Variants in CCDC186 observed in about 807,000 individuals in gnomAD.
CCDC186 encodes the protein coiled-coil domain-containing protein 186.
In CCDC186, 49 loss-of-function variants were observed where a neutral mutation model predicts 113.7. The observed-to-expected ratio is 0.43, with a 90% CI of 0.34 to 0.55. The LOEUF (loss-of-function observed/expected upper bound fraction) is 0.55. CCDC186 is among the 20% of genes least tolerant of loss of function. CCDC186 has a pLI of 0.02. For synonymous variants in CCDC186, 355 were observed against 345.8 expected, an observed-to-expected ratio of 1.03 and a Z score of -0.30; for missense variants, 890 against 1,011.1, an observed-to-expected ratio of 0.88 and a Z score of 1.62.
chr10:114,144,671 T>C, intron 5 of CCDC186, 55 bp from the exon 6 acceptor site: 2 of 1,443,688 alleles, frequency 1.4e-6, no homozygotes, highest in Non-Finnish European at 1.9e-6. Context: ...ATTAATTATA[T>C]CTTTTATATT....
rs1309820312 is a variant in CCDC186, at chr10:114,130,088, G to A, written c.2102-117C>T. On this transcript the variant is annotated intron_variant, in intron 12 of 15. Transcript: ENST00000369287. Reference sequence around the variant, plus strand: ...ATGGCATAGACAAGAGAAAGTTCTTGAATACATACTTTAGGCAGAGGGCTA... The same window carrying A: ...ATGGCATAGACAAGAGAAAGTTCTTAAATACATACTTTAGGCAGAGGGCTA... The A allele has an allele frequency of 6.4e-6, 5 of 778,356 alleles. No homozygotes were observed. In the African/African-American group the frequency reaches 8.8e-5, roughly 14 times the overall value. 48.2% of individuals were successfully genotyped at this position (778,356 alleles called of 1,614,324 possible). A position where few individuals can be genotyped will look rare whatever the true frequency, so the allele number is the denominator to read the frequency against.
At position 114,121,477 on chromosome 10, in the gene CCDC186, G is replaced by C. The variant is rs1463920057; in HGVS notation, c.*3666C>G. 2.0e-5 allele frequency: 3 copies of C among 152,036 alleles called. No homozygotes were observed. The allele number at this position is 152,036 out of a possible 1,614,324, so 9.4% of individuals were successfully genotyped here. A position where few individuals can be genotyped will look rare whatever the true frequency, so the allele number is the denominator to read the frequency against. On this transcript the variant is annotated 3_prime_UTR_variant, in exon 16 of 16. Coordinates refer to ENST00000369287, the MANE Select transcript of CCDC186 (RefSeq NM_018017.4). The stretch of plus-strand genomic sequence containing the variant: ...TGCAAAAGAAAGATTGGAAACATGC[G>C]TGACATGATTAATCTTTATGAGCAC...
At chr10:114,146,152 A>G (rs1315928774) in intron 4 of CCDC186, among the ~76,000 whole-genome samples, 6 of 152,202 alleles carry the variant, frequency 3.9e-5, no homozygotes, top group African/African-American at 1.2e-4. Flanking sequence ...AGAAGGCAGT[A>G]GGCAGAAGCT....
At chr10:114,131,027 A>T in intron 12 of CCDC186, 120 bp downstream of exon 12, 1 of 815,774 alleles carries the variant, frequency 1.2e-6, no homozygotes, top group Non-Finnish European at 1.7e-6. Flanking sequence ...AATTTGGTTT[A>T]CTAATATTAA....
intron 15 of CCDC186, among the ~76,000 whole-genome samples, chr10:114,125,427 T>C (rs2030865386): frequency 6.6e-6 from 1 of 152,208 alleles, no homozygotes; most frequent in African/African-American, 2.4e-5. Context: ...TCAAACTTTC[T>C]ACTGAAGCTA....
At chr10:114,151,266 TACAC>T (rs1312191958) in intron 3 of CCDC186, 46 bp from the exon 4 acceptor site, 1 of 1,305,776 alleles carries the variant, frequency 7.7e-7, no homozygotes, top group Non-Finnish European at 1.1e-6. Context: ...CTATACCAAA[TACAC>T]CACCAATACT....
intron 7 of CCDC186, 68 bp from the exon 8 acceptor site, chr10:114,136,314 C>T: frequency 2.8e-6 from 3 of 1,054,300 alleles, no homozygotes; most frequent in African/African-American, 1.6e-5. Context: ...TGAGAATACT[C>T]GTCTCTAATC....
chr10:114,144,752 CTTAT>C (rs2031584132), intron 5 of CCDC186, 136 bp from the exon 6 acceptor site: 1 of 680,762 alleles, frequency 1.5e-6, no homozygotes, highest in South Asian at 3.1e-5. Context: ...GACTATAAAA[CTTAT>C]TTAAAGTCCA....
intron 1 of CCDC186, among the ~76,000 whole-genome samples, chr10:114,173,535 G>C (rs557578007): frequency 6.6e-6 from 1 of 152,284 alleles, no homozygotes; most frequent in South Asian, 2.1e-4. Flanking sequence ...AAGGAACTTA[G>C]AATCACAGTA....
intron 13 of CCDC186, among the ~76,000 whole-genome samples, chr10:114,128,275 G>A (rs2030977270): frequency 6.6e-6 from 1 of 152,166 alleles, no homozygotes; most frequent in Non-Finnish European, 1.5e-5. Context: ...CAACATCAAT[G>A]AGAAGAATCT....
chr10:114,169,189 C>G (rs1035569924), intron 1 of CCDC186, among the ~76,000 whole-genome samples: 4 of 147,634 alleles, frequency 2.7e-5, no homozygotes, highest in African/African-American at 9.9e-5. Flanking sequence ...AATTTGGCTT[C>G]ATTCACAGAC....
At chr10:114,135,193 A>G in intron 9 of CCDC186, 138 bp from the exon 10 acceptor site, 1 of 870,474 alleles carries the variant, frequency 1.1e-6, no homozygotes, top group Non-Finnish European at 1.6e-6. Flanking sequence ...GAAGTTTACA[A>G]TCCTAGCTTT....
At chr10:114,133,931 TAA>T (rs1018199731) in intron 10 of CCDC186, among the ~76,000 whole-genome samples, 14 of 152,132 alleles carry the variant, frequency 9.2e-5, no homozygotes, top group African/African-American at 3.4e-4. Context: ...CAATTATGTT[TAA>T]ATGTAGAAAG....
At chr10:114,172,778 C>A (rs767156908) in intron 1 of CCDC186, among the ~76,000 whole-genome samples, 15 of 152,154 alleles carry the variant, frequency 9.9e-5, no homozygotes, top group Non-Finnish European at 1.5e-5. Flanking sequence ...CCTAGCCAAT[C>A]ATTACTGTTT....
intron 2 of CCDC186, among the ~76,000 whole-genome samples, chr10:114,161,076 C>T (rs912552245): frequency 6.6e-6 from 1 of 152,144 alleles, no homozygotes; most frequent in African/African-American, 2.4e-5. Flanking sequence ...TTCCACTCAC[C>T]CGTGCTGTCA....
At chr10:114,127,767 C>G (rs1182128006) in intron 13 of CCDC186, 96 bp from the exon 14 acceptor site, 2 of 1,140,848 alleles carry the variant, frequency 1.8e-6, no homozygotes, top group East Asian at 2.5e-5. Flanking sequence ...CAAATATTCA[C>G]TCTAACAGAG....
chr10:114,140,855 T>C (rs1190640033), intron 6 of CCDC186, among the ~76,000 whole-genome samples: 4 of 152,228 alleles, frequency 2.6e-5, no homozygotes, highest in East Asian at 3.9e-4. Context: ...TTTAACATCA[T>C]TGCCTCATTG....
intron 3 of CCDC186, among the ~76,000 whole-genome samples, chr10:114,155,272 T>G (rs578194716): frequency 2.0e-5 from 3 of 152,238 alleles, no homozygotes; most frequent in African/African-American, 7.2e-5. Flanking sequence ...CTAAATCTTA[T>G]AGTACACATA....
At chr10:114,137,892 C>A (rs552763927) in intron 6 of CCDC186, among the ~76,000 whole-genome samples, 1 of 151,908 alleles carries the variant, frequency 6.6e-6, no homozygotes, top group Non-Finnish European at 1.5e-5. Context: ...CAAAATTAGC[C>A]GGGTGTGGTG....
Sources: gnomAD v4.1 joint callset for allele counts (sites outside exome capture counted in the v4.1 genomes callset) on GRCh38, gnomAD v4.1.1 for gene constraint, MANE v1.5 for transcripts, NCBI Gene and HGNC (gene_info 2026-07-23, HGNC 2026-07-21) for gene names.